Variants in SREBF2 observed in about 807,000 individuals in gnomAD.
The protein encoded by SREBF2 is sterol regulatory element-binding protein 2.
A neutral mutation model predicts 113.1 loss-of-function variants in SREBF2; 55 were observed. The observed-to-expected ratio is 0.49, with a 90% CI of 0.39 to 0.61. SREBF2 has a LOEUF of 0.61. Ranked by LOEUF, SREBF2 falls within the 20% of genes least tolerant of loss-of-function variation. SREBF2 has a pLI of 0.00. For synonymous variants in SREBF2, 593 were observed against 605.7 expected (o/e 0.98, Z 0.31); for missense variants, 1,349 against 1,487.4 (o/e 0.91, Z 1.53).
rs1278405969 is a variant in SREBF2, at chr22:41,867,003, A to G, written c.261A>G (p.Ser87=). 2 of 1,614,018 alleles carry G rather than the reference A, an allele frequency of 1.2e-6. No individual in the cohort carries two copies. The highest frequency in any genetic ancestry group is 2.2e-5 in the East Asian group (1 of 44,884). Residue 87 remains serine (S), a synonymous_variant, in exon 2 of 19, where the codon TCA becomes TCG. Transcript: ENST00000361204. The part of the protein sequence containing the change: ...RGSSSGAVDP[S]VQRSFTQVTL... ...GCAGCAGCGGAGCTGTGGACCCTTC[A>G]GTGCAACGGTCATTCACCCAGGTCA...
chr22:41,858,143 G>A (rs1034712327), intron 1 of SREBF2, among the ~76,000 whole-genome samples: 1 of 152,108 alleles, frequency 6.6e-6, no homozygotes, highest in Admixed American at 6.6e-5. Flanking sequence ...ATACTTGTTG[G>A]GAATTAGATT....
rs925702145 is a variant in SREBF2 at position 41,903,166 on chromosome 22, G to A, written c.3093+11G>A. ...CCAGCATACCGCAAGGTGAGGCCCA[G>A]CTGGCTGGTGGGGCAGGGCAGATTG... is the stretch of plus-strand genomic sequence containing the variant. On this transcript the variant is annotated intron_variant, in intron 17 of 18. Coordinates refer to ENST00000361204, the MANE Select transcript of SREBF2 (RefSeq NM_004599.4). The A allele has an allele frequency of 7.1e-6, 11 of 1,548,810 alleles. No individual in the cohort carries two copies. The highest frequency in any genetic ancestry group is 2.0e-5 in the Admixed American group (1 of 51,070).
chr22:41,878,164 T>G (rs1203647821), intron 9 of SREBF2, 41 bp downstream of exon 9: 1 of 1,611,402 alleles, frequency 6.2e-7, no homozygotes. Flanking sequence ...CCCCCAGACT[T>G]GACAAATAAT....
At chr22:41,839,174 G>C (rs1274449857) in intron 1 of SREBF2, among the ~76,000 whole-genome samples, 1 of 152,138 alleles carries the variant, frequency 6.6e-6, no homozygotes, top group Non-Finnish European at 1.5e-5. Flanking sequence ...TTAAGACTTT[G>C]AGCCTGGAGC....
At chr22:41,894,317 G>A (rs559412799) in intron 12 of SREBF2, among the ~76,000 whole-genome samples, 133 of 152,296 alleles carry the variant, frequency 8.7e-4, no homozygotes, top group African/African-American at 3.1e-3. Flanking sequence ...TCCAAGCATT[G>A]CAAGGCCCCG....
At position 41,905,997 on chromosome 22, in the gene SREBF2, T is replaced by G; in HGVS notation, c.*337T>G. On this transcript the variant is annotated 3_prime_UTR_variant, in exon 19 of 19. Coordinates refer to ENST00000361204, the MANE Select transcript of SREBF2 (RefSeq NM_004599.4). ...TCTCCTGAACCCTACTCTCTCCTTT[T>G]TGCTTCCTCAGTTTTTATCAGGCTT... 1 of 536,998 alleles carries G rather than the reference T, an allele frequency of 1.9e-6. No individual in the cohort carries two copies. The highest frequency in any genetic ancestry group is 3.6e-6 in the Non-Finnish European group (1 of 279,700). The allele number at this position is 536,998 out of a possible 1,614,324, so 33.3% of individuals were successfully genotyped here. A position where few individuals can be genotyped will look rare whatever the true frequency, so the allele number is the denominator to read the frequency against.
rs553712489 is a variant in SREBF2 at position 41,855,823 on chromosome 22, C to T, written c.89-11008C>T. Among the ~76,000 whole-genome samples, 8 of 150,560 alleles carry T rather than the reference C, an allele frequency of 5.3e-5. No individual in the cohort carries two copies. In the East Asian group the frequency reaches 7.8e-4, roughly 15 times the overall value. ...CCAGGCTTGAGTACAGTGGTACAGT[C>T]GTGGCTCACTGCAGCCTTGAACTCT... On this transcript the variant is annotated intron_variant, in intron 1 of 18. Transcript: ENST00000361204.
intron 11 of SREBF2, among the ~76,000 whole-genome samples, chr22:41,889,387 A>G (rs1416032817): frequency 6.6e-6 from 1 of 152,170 alleles, no homozygotes; most frequent in Non-Finnish European, 1.5e-5. Context: ...TCAGCCTCTC[A>G]AAGTGCTGGG....
chr22:41,843,265 A>G (rs2076845596), intron 1 of SREBF2, among the ~76,000 whole-genome samples: 1 of 152,166 alleles, frequency 6.6e-6, no homozygotes, highest in African/African-American at 2.4e-5. Context: ...AGTCACCTCT[A>G]CTTTTTGATC....
At position 41,833,674 on chromosome 22, in the gene SREBF2, C is replaced by T; in HGVS notation, c.88+316C>T. 3.9e-6 allele frequency: 1 copy of T among 255,000 alleles called. No homozygotes were observed. Among genetic ancestry groups the T allele is most frequent in the Non-Finnish European group, 7.5e-6 (1 of 134,206 alleles). 15.8% of individuals were successfully genotyped at this position (255,000 alleles called of 1,614,324 possible). On this transcript the variant is annotated intron_variant, in intron 1 of 18. Coordinates refer to ENST00000361204, the MANE Select transcript of SREBF2 (RefSeq NM_004599.4). The surrounding 1 kb of genome is among the most constrained non-coding windows in gnomAD (Gnocchi z 4.1). Reference sequence around the variant, plus strand: ...GGAGCGGCCTAAGGAGAGCGCGTGGCCGCCGCCTCCCTCGCGCGCCCACAC... The same window carrying T: ...GGAGCGGCCTAAGGAGAGCGCGTGGTCGCCGCCTCCCTCGCGCGCCCACAC...
intron 1 of SREBF2, among the ~76,000 whole-genome samples, chr22:41,858,083 G>A (rs2076993978): frequency 6.6e-6 from 1 of 152,118 alleles, no homozygotes; most frequent in Non-Finnish European, 1.5e-5. Context: ...AACATTGTGG[G>A]TGGGGAGATA....
chr22:41,905,695 C>A lies in SREBF2; in HGVS notation c.*35C>A, dbSNP rs368111329. 1.0e-5 allele frequency: 16 copies of A among 1,536,182 alleles called. No individual in the cohort carries two copies. The highest frequency in any genetic ancestry group is 2.4e-5 in the East Asian group (1 of 40,996). On this transcript the variant is annotated 3_prime_UTR_variant, in exon 19 of 19. Transcript: ENST00000361204. ...TCAGCCCACCCCTCCACCTCTCTCT[C>A]GATTTCTCTCTCTCCCCCTCAGCAT...
At chr22:41,854,050 A>G (rs1465097554) in intron 1 of SREBF2, among the ~76,000 whole-genome samples, 2 of 151,274 alleles carry the variant, frequency 1.3e-5, no homozygotes, top group African/African-American at 4.9e-5. Context: ...AAAAAAAAAA[A>G]GAAGAAAGCA....
At chr22:41,837,389 C>T (rs1337206135) in intron 1 of SREBF2, among the ~76,000 whole-genome samples, 1 of 151,454 alleles carries the variant, frequency 6.6e-6, no homozygotes, top group Non-Finnish European at 1.5e-5. Context: ...GAAACCCCAT[C>T]TCTACTAAAA....
chr22:41,858,334 G>A (rs2076995887), intron 1 of SREBF2, among the ~76,000 whole-genome samples: 1 of 152,118 alleles, frequency 6.6e-6, no homozygotes, highest in African/African-American at 2.4e-5. Context: ...TGAGGATGAG[G>A]GTTTTTCTTA....
chr22:41,895,303 C>A (rs933508676), intron 13 of SREBF2, among the ~76,000 whole-genome samples: 6 of 151,646 alleles, frequency 4.0e-5, no homozygotes, highest in Non-Finnish European at 7.4e-5. Flanking sequence ...CCATGCCCGG[C>A]TAATTTTTTG....
chr22:41,905,430 C>A lies in SREBF2; in HGVS notation c.3206-10C>A, dbSNP rs41276325. ...GATTCTCGGTTGTGACACACATCTC[C>A]TTCCCACAGGAGAGGTGGATGCCTG... is the stretch of plus-strand genomic sequence containing the variant. On this transcript the variant is annotated splice_polypyrimidine_tract_variant and intron_variant, in intron 18 of 18. Transcript: ENST00000361204. 1 of 1,564,472 alleles carries A rather than the reference C, an allele frequency of 6.4e-7. No individual in the cohort carries two copies. Among genetic ancestry groups the A allele is most frequent in the East Asian group, 2.3e-5 (1 of 43,034 alleles).
In SREBF2 at chr22:41,875,798, G is replaced by A. The variant is rs2077192541; in HGVS notation, c.1386+74G>A. On this transcript the variant is annotated intron_variant, in intron 7 of 18. Coordinates refer to ENST00000361204, the MANE Select transcript of SREBF2 (RefSeq NM_004599.4). ...CTAAGAAGATAGCTGGGAGGTCACA[G>A]TTATGAGGCCAGGCCGCATGTTAAG... 1.1e-5 allele frequency: 17 copies of A among 1,544,918 alleles called. No homozygotes were observed. The South Asian group carries it at 1.9e-4, about 17-fold the overall frequency.
intron 1 of SREBF2, among the ~76,000 whole-genome samples, chr22:41,852,728 A>ATTTTTTTT (rs544824099): frequency 1.2e-4 from 5 of 40,398 alleles, no homozygotes; most frequent in Admixed American, 8.1e-4. Context: ...TCTCAGAATG[A>ATTTTTTTT]TTTTTTTTTT....
Sources: allele counts gnomAD v4.1 joint callset (sites outside exome capture counted in the v4.1 genomes callset), GRCh38; gene constraint gnomAD v4.1.1; non-coding constraint Gnocchi (gnomAD v3.1); transcripts MANE v1.5; gene names NCBI Gene and HGNC (gene_info 2026-07-23, HGNC 2026-07-21).